RIMS2: variants seen among roughly 807,000 people sequenced by gnomAD.
RIMS2 encodes regulating synaptic membrane exocytosis protein 2.
Under a neutral mutation model 174.4 loss-of-function variants are expected in RIMS2, and 59 were observed. The ratio of observed to expected loss-of-function variants is 0.34; its 90% CI spans 0.27 to 0.42. The LOEUF is 0.42. RIMS2 is among the 10% of genes least tolerant of loss of function. The pLI is 1.00. For missense variants in RIMS2, 1,620 were observed against 1,666.3 expected (o/e 0.97, Z 0.48); for synonymous variants, 606 against 572.5 (o/e 1.06, Z -0.84).
chr8:104,115,100 A>G (rs2098259034), intron 19 of RIMS2, among the ~76,000 whole-genome samples: 1 of 152,130 alleles, frequency 6.6e-6, no homozygotes, highest in East Asian at 1.9e-4. Context: ...TTTGCATTCA[A>G]TTTATTATAA....
At chr8:103,818,174 T>G (rs924013444) in intron 3 of RIMS2, among the ~76,000 whole-genome samples, 11 of 152,166 alleles carry the variant, frequency 7.2e-5, no homozygotes, top group Non-Finnish European at 1.0e-4. Context: ...TTCATAGCTT[T>G]TAAAAACTTA....
intron 17 of RIMS2, among the ~76,000 whole-genome samples, chr8:103,994,822 G>C (rs562056193): frequency 2.0e-5 from 3 of 152,098 alleles, no homozygotes; most frequent in Admixed American, 2.0e-4. Context: ...ATTGATGCTT[G>C]ATAAAGGTGA....
intron 19 of RIMS2, among the ~76,000 whole-genome samples, chr8:104,150,623 C>G (rs138613405): frequency 1.3e-5 from 2 of 152,130 alleles, no homozygotes; most frequent in African/African-American, 2.4e-5. Context: ...TAGATAGAAA[C>G]CGTAAGAAAC....
At chr8:103,803,771 G>A (rs1219379078) in intron 3 of RIMS2, among the ~76,000 whole-genome samples, 1 of 152,178 alleles carries the variant, frequency 6.6e-6, no homozygotes, top group Non-Finnish European at 1.5e-5. Context: ...CTGTGAGAGA[G>A]CCATGTGTCA....
In RIMS2 at chr8:103,697,310, A is replaced by C; in HGVS notation, c.387+14A>C. 1 of 1,575,514 alleles carries C rather than the reference A, an allele frequency of 6.3e-7. No individual in the cohort carries two copies. Among genetic ancestry groups the C allele is most frequent in the Non-Finnish European group, 8.7e-7 (1 of 1,144,904 alleles). On this transcript the variant is annotated intron_variant, in intron 2 of 23. Coordinates refer to ENST00000504942, the Ensembl canonical transcript of RIMS2. The stretch of plus-strand genomic sequence containing the variant: ...CGCTCAAACAAGGTACAGAAATGAA[A>C]ATTACAGTTCTCTTCTAGTTAAGCT...
In RIMS2 at chr8:103,608,354, G is replaced by T. The variant is rs1399561287; in HGVS notation, c.177-88732G>T. Among the ~76,000 whole-genome samples the T allele has an allele frequency of 7.0e-5, 10 of 143,700 alleles. 1 individual carries two copies. The highest frequency in any genetic ancestry group is 1.4e-4 in the Non-Finnish European group (9 of 65,416). 94.3% of individuals were successfully genotyped at this position (143,700 alleles called of 152,430 possible). A position where few individuals can be genotyped will look rare whatever the true frequency, so the allele number is the denominator to read the frequency against. On this transcript the variant is annotated intron_variant, in intron 1 of 23. Coordinates refer to ENST00000504942, the Ensembl canonical transcript of RIMS2. ...TGAGGAGGCAGTCTGCCCGTTCTCA[G>T]ATCTCCAGCTGCGTACTGGGAGAAC...
At chr8:104,249,552 G>A in exon 22 of RIMS2, 1 of 1,612,102 alleles carries the variant, frequency 6.2e-7, no homozygotes, top group South Asian at 1.1e-5. Flanking sequence ...CCGGGCCCGT[G>A]GCCTTGTTGT....
chr8:104,101,554 A>G (rs941877432), intron 19 of RIMS2, among the ~76,000 whole-genome samples: 6 of 151,974 alleles, frequency 3.9e-5, no homozygotes, highest in Admixed American at 2.0e-4. Flanking sequence ...TTTGAGATAC[A>G]TATAGATACA....
intron 15 of RIMS2, among the ~76,000 whole-genome samples, chr8:103,974,961 G>A (rs72683109): frequency 1.3e-5 from 2 of 152,040 alleles, no homozygotes; most frequent in African/African-American, 4.8e-5. Context: ...GTTTTTATGA[G>A]CTTAATAATT....
chr8:103,604,719 C>A (rs1193838547), intron 1 of RIMS2, among the ~76,000 whole-genome samples: 2 of 135,524 alleles, frequency 1.5e-5, no homozygotes, highest in Admixed American at 7.3e-5. Flanking sequence ...CTTCACATCC[C>A]TTGTAAGTTG....
At chr8:104,014,379 A>T in intron 18 of RIMS2, 127 bp from the exon 21 acceptor site, 1 of 539,908 alleles carries the variant, frequency 1.9e-6, no homozygotes, top group African/African-American at 1.9e-5. Context: ...CAGTTTTCCT[A>T]ACCTTTTAAT....
chr8:103,549,883 C>T lies in RIMS2; in HGVS notation c.176+48821C>T, dbSNP rs1846901929. 2.0e-5 allele frequency among the ~76,000 whole-genome samples: 3 copies of T among 152,284 alleles called. No homozygotes were observed. The South Asian group carries it at 6.2e-4, about 32-fold the overall frequency. On this transcript the variant is annotated intron_variant, in intron 1 of 23. Transcript: ENST00000504942. ...TCAAAAGAGACAAAGAAGGCCATTA[C>T]ATAATGGTAAAGGGATCAATTCAAC...
intron 15 of RIMS2, among the ~76,000 whole-genome samples, chr8:103,973,230 A>C (rs2093082151): frequency 6.6e-6 from 1 of 152,338 alleles, no homozygotes; most frequent in South Asian, 2.1e-4. Flanking sequence ...TTAAGTCTCA[A>C]CTGTGGTATT....
chr8:103,506,973 T>C (rs1823987834), intron 1 of RIMS2, among the ~76,000 whole-genome samples: 1 of 152,146 alleles, frequency 6.6e-6, no homozygotes, highest in Non-Finnish European at 1.5e-5. Context: ...TACTTTGTAA[T>C]TGACTTTAGA....
At chr8:103,822,160 A>G (rs2098755893) in intron 3 of RIMS2, among the ~76,000 whole-genome samples, 1 of 151,782 alleles carries the variant, frequency 6.6e-6, no homozygotes, top group Non-Finnish European at 1.5e-5. Context: ...GAATAGTACT[A>G]TGCATCATTT....
In RIMS2 at chr8:103,758,715, A is replaced by G. The variant is rs1266540761; in HGVS notation, c.388-7512A>G. Among the ~76,000 whole-genome samples, 6 of 152,172 alleles carry G rather than the reference A, an allele frequency of 3.9e-5. 1 individual carries two copies. The highest frequency in any genetic ancestry group is 5.9e-5 in the Non-Finnish European group (4 of 68,038). On this transcript the variant is annotated intron_variant, in intron 2 of 23. Transcript: ENST00000504942. ...ATTTATAAGTTAAAATTCTGGGTGT[A>G]GAAACAACAGTCTTTCTATTGAAAG...
At chr8:103,844,752 G>GAT (rs1564881170) in intron 3 of RIMS2, among the ~76,000 whole-genome samples, 1 of 152,028 alleles carries the variant, frequency 6.6e-6, no homozygotes, top group Non-Finnish European at 1.5e-5. Context: ...AAGAGACAGA[G>GAT]AGAATGAGAG....
chr8:104,211,488 C>T (rs901481680), intron 19 of RIMS2, among the ~76,000 whole-genome samples: 12 of 151,908 alleles, frequency 7.9e-5, no homozygotes, highest in East Asian at 3.9e-4. Flanking sequence ...GGTTATGCTA[C>T]GTGTTTGTAT....
chr8:103,840,912 C>G (rs143625365), intron 3 of RIMS2, among the ~76,000 whole-genome samples: 1 of 152,200 alleles, frequency 6.6e-6, no homozygotes, highest in African/African-American at 2.4e-5. Context: ...TTACTCGTAT[C>G]AGAAATTTCT....
Sources: gnomAD v4.1 joint callset for allele counts (sites outside exome capture counted in the v4.1 genomes callset) on GRCh38, gnomAD v4.1.1 for gene constraint, MANE v1.5 for transcripts, NCBI Gene and HGNC (gene_info 2026-07-23, HGNC 2026-07-21) for gene names.